The following SNX29 variants were observed in gnomAD, a reference collection of about 807,000 sequenced individuals.
The protein encoded by SNX29 is sorting nexin 29, also known as sorting nexin-29.
Under a neutral mutation model 102.1 loss-of-function variants are expected in SNX29, and 78 were observed. The ratio of observed to expected loss-of-function variants is 0.76; its 90% CI spans 0.64 to 0.92. The LOEUF is 0.92. Among genes scored for constraint, SNX29 ranks in the 40% least tolerant of loss-of-function variants. The pLI, the probability that SNX29 is intolerant of heterozygous loss-of-function variation, is 0.00. For missense variants in SNX29, 1,280 were observed against 1,061.7 expected (o/e 1.21, Z -2.86); for synonymous variants, 580 against 414.5 (o/e 1.40, Z -4.85).
At position 11,998,843 on chromosome 16, in the gene SNX29, T is replaced by C. The variant is rs369136242; in HGVS notation, c.8-454T>C. ...CATGGGAAAAGGATGTTGGAGATGA[T>C]AGTGAGAACAGCCAGTGAGCAGTTC... On this transcript the variant is annotated intron_variant, in intron 1 of 20. Coordinates refer to ENST00000566228, the MANE Select transcript of SNX29 (RefSeq NM_032167.5). Among the ~76,000 whole-genome samples the C allele has an allele frequency of 8.7e-4, 132 of 152,332 alleles. 2 individuals are homozygous for C. In the East Asian group the frequency reaches 0.016, roughly 18 times the overall value.
chr16:12,089,195 C>T (rs1271693457), intron 11 of SNX29, among the ~76,000 whole-genome samples: 1 of 149,896 alleles, frequency 6.7e-6, no homozygotes, highest in Admixed American at 6.6e-5. Flanking sequence ...GTGGTGGCAC[C>T]TGGCATCTGC....
chr16:12,403,948 T>C (rs2084063042), intron 18 of SNX29, among the ~76,000 whole-genome samples: 1 of 152,194 alleles, frequency 6.6e-6, no homozygotes, highest in African/African-American at 2.4e-5. Flanking sequence ...GTTGACAGGA[T>C]GACCCCAGCA....
chr16:12,569,352 C>A lies in SNX29; in HGVS notation c.*723C>A, dbSNP rs538008398. ...TAGCCTGAGGCCACCTAGGCCCTCG[C>A]CAGGCTTGGAGTGGGGGGACTCAGA... is the stretch of plus-strand genomic sequence containing the variant. On this transcript the variant is annotated 3_prime_UTR_variant, in exon 21 of 21. Coordinates refer to ENST00000566228, the MANE Select transcript of SNX29 (RefSeq NM_032167.5). The A allele has an allele frequency of 2.5e-4, 58 of 230,168 alleles. 1 individual carries two copies. In the Admixed American group the frequency reaches 2.8e-3, roughly 11 times the overall value. The allele number at this position is 230,168 out of a possible 1,614,324, so 14.3% of individuals were successfully genotyped here. A position where few individuals can be genotyped will look rare whatever the true frequency, so the allele number is the denominator to read the frequency against.
chr16:12,400,485 T>C (rs1311347747), intron 17 of SNX29, among the ~76,000 whole-genome samples: 1 of 152,216 alleles, frequency 6.6e-6, no homozygotes, highest in Non-Finnish European at 1.5e-5. Context: ...CTAGACTCAG[T>C]GCTCTCCACA....
In SNX29 at chr16:12,003,028, C is replaced by T. The variant is rs754710479; in HGVS notation, c.107C>T (p.Ser36Leu). 8 of 1,614,022 alleles carry T rather than the reference C, an allele frequency of 5.0e-6. No homozygotes were observed. The highest frequency in any genetic ancestry group is 1.6e-4 in the Middle Eastern group (1 of 6,084). Residue 36 changes from serine to leucine, a missense_variant, in exon 3 of 21, where the codon TCG becomes TTG. Ser to Leu is a moderately radical substitution (Grantham distance 145). Transcript: ENST00000566228. ...TTTGGAGGGAGAAAGGAGATTGCCT[C>T]GGATTCCGACAGCAGGTAAATATGT... Reference protein sequence around the residue: ...IRFGGRKEIASDSDSRVTCLC... With the variant: ...IRFGGRKEIALDSDSRVTCLC...
intron 11 of SNX29, chr16:12,087,991 G>T (rs1020384939): frequency 1.1e-5 from 5 of 456,588 alleles, no homozygotes; most frequent in African/African-American, 8.0e-5. Context: ...CTGTGCAGGG[G>T]GCCATGGTCC....
intron 18 of SNX29, among the ~76,000 whole-genome samples, chr16:12,477,333 C>G (rs1245931186): frequency 6.6e-6 from 1 of 152,178 alleles, no homozygotes; most frequent in Non-Finnish European, 1.5e-5. Context: ...CTCCTCTCAG[C>G]TCTGTTTTAC....
chr16:12,472,541 A>C (rs1026846026), intron 18 of SNX29, among the ~76,000 whole-genome samples: 13 of 150,100 alleles, frequency 8.7e-5, no homozygotes, highest in African/African-American at 2.7e-4. Context: ...AAAAAAAAAA[A>C]AACAAAAAAA....
intron 13 of SNX29, among the ~76,000 whole-genome samples, chr16:12,197,427 CG>C (rs2076805117): frequency 6.6e-6 from 1 of 151,902 alleles, no homozygotes; most frequent in Non-Finnish European, 1.5e-5. Context: ...AAAAATTAGC[CG>C]GTCATGGTGG....
At chr16:12,016,862 C>T (rs2056862921) in intron 3 of SNX29, among the ~76,000 whole-genome samples, 1 of 152,014 alleles carries the variant, frequency 6.6e-6, no homozygotes, top group Admixed American at 6.6e-5. Context: ...CACAGTGGCT[C>T]ATACCTATAA....
Position 12,573,540 on chromosome 16 carries a change from G to C in SNX29, c.*4911G>C, listed in dbSNP as rs553192968. 8.9e-6 allele frequency: 2 copies of C among 224,234 alleles called. No homozygotes were observed. Among genetic ancestry groups the C allele is most frequent in the Non-Finnish European group, 1.8e-5 (2 of 112,526 alleles). 13.9% of individuals were successfully genotyped at this position (224,234 alleles called of 1,614,324 possible). ...GGATTTAGTTCTTACTGGTGCGTAA[G>C]TGTTTTCCCATCCTAACCGGAAAAC... is the stretch of plus-strand genomic sequence containing the variant. On this transcript the variant is annotated 3_prime_UTR_variant, in exon 21 of 21. Coordinates refer to ENST00000566228, the MANE Select transcript of SNX29 (RefSeq NM_032167.5).
chr16:12,480,806 C>T lies in SNX29; in HGVS notation c.2178+2947C>T, dbSNP rs144087277. On this transcript the variant is annotated intron_variant, in intron 19 of 20. Transcript: ENST00000566228. ...TGGGAGGGTTTTTCTGGTGTTGCAT[C>T]CTGTAGAAAGAGGGCATGAAGCTGT... 7.2e-5 allele frequency among the ~76,000 whole-genome samples: 11 copies of T among 152,242 alleles called. No homozygotes were observed. In the East Asian group the frequency reaches 1.5e-3, roughly 21 times the overall value.
chr16:12,319,640 TGAG>T lies in SNX29; in HGVS notation c.1783-36518_1783-36516del, dbSNP rs1315612431. Among the ~76,000 whole-genome samples, 8 of 152,140 alleles carry T rather than the reference TGAG, an allele frequency of 5.3e-5. No homozygotes were observed. In the South Asian group the frequency reaches 1.7e-3, roughly 32 times the overall value. ...ATCCTGGCAAGGAGTGAGGTAGTGA[TGAG>T]GAGGGCTGGTTTCACAGACCAGGAA... is the stretch of plus-strand genomic sequence containing the variant. On this transcript the variant is annotated intron_variant, in intron 15 of 20. Coordinates refer to ENST00000566228, the MANE Select transcript of SNX29 (RefSeq NM_032167.5).
At chr16:12,018,134 G>C (rs2056905017) in intron 3 of SNX29, among the ~76,000 whole-genome samples, 1 of 151,974 alleles carries the variant, frequency 6.6e-6, no homozygotes, top group Admixed American at 6.6e-5. Flanking sequence ...TATTAAGTTT[G>C]TACATTAATT....
chr16:12,555,504 G>GA (rs1229782996), intron 20 of SNX29, among the ~76,000 whole-genome samples: 2 of 151,724 alleles, frequency 1.3e-5, no homozygotes, highest in Non-Finnish European at 2.9e-5. Context: ...GAGTCACGCA[G>GA]GGATTGACTG....
intron 18 of SNX29, among the ~76,000 whole-genome samples, chr16:12,465,521 A>G (rs995640654): frequency 2.6e-5 from 4 of 152,044 alleles, no homozygotes; most frequent in African/African-American, 7.2e-5. Context: ...AGTTGACCAT[A>G]TATGTGTGGA....
chr16:12,296,301 G>A lies in SNX29; in HGVS notation c.1782+18265G>A, dbSNP rs190024885. Reference sequence around the variant, plus strand: ...AATTTTGATGAAAAGTGATAAAATCGAGTGGATAAAATTGGCTTTCAGCAA... The same window carrying A: ...AATTTTGATGAAAAGTGATAAAATCAAGTGGATAAAATTGGCTTTCAGCAA... On this transcript the variant is annotated intron_variant, in intron 15 of 20. Transcript: ENST00000566228. Among the ~76,000 whole-genome samples the A allele has an allele frequency of 4.4e-3, 670 of 152,320 alleles. 2 individuals carry two copies. Among genetic ancestry groups the A allele is most frequent in the Middle Eastern group, 0.01 (3 of 294 alleles).
At chr16:12,305,714 T>G (rs920105943) in intron 15 of SNX29, among the ~76,000 whole-genome samples, 1 of 152,222 alleles carries the variant, frequency 6.6e-6, no homozygotes, top group Non-Finnish European at 1.5e-5. Context: ...GTGTTGTGTA[T>G]CCAGACTCCG....
intron 11 of SNX29, among the ~76,000 whole-genome samples, chr16:12,092,179 C>G (rs937018512): frequency 6.6e-6 from 1 of 152,136 alleles, no homozygotes; most frequent in African/African-American, 2.4e-5. Context: ...GTAGCCCCCA[C>G]TGGGATACAA....
Sources: gnomAD v4.1 joint callset for allele counts (sites outside exome capture counted in the v4.1 genomes callset) on GRCh38, gnomAD v4.1.1 for gene constraint, MANE v1.5 for transcripts, NCBI Gene and HGNC (gene_info 2026-07-23, HGNC 2026-07-21) for gene names.